The following ALDH1L2 variants were observed in gnomAD, a reference collection of about 807,000 sequenced individuals.
ALDH1L2 encodes the protein aldehyde dehydrogenase 1 family member L2, also known as mitochondrial 10-formyltetrahydrofolate dehydrogenase.
ALDH1L2 carries 91 observed loss-of-function variants against 111.0 expected under a neutral mutation model. The ratio of observed to expected loss-of-function variants is 0.82; its 90% confidence interval spans 0.69 to 0.98. The LOEUF (loss-of-function observed/expected upper bound fraction) is 0.98. ALDH1L2 is among the 50% of genes least tolerant of loss of function. ALDH1L2 has a pLI of 0.00. For missense variants in ALDH1L2, 995 were observed against 1,126.8 expected, an observed-to-expected ratio of 0.88 and a Z score of 1.67; for synonymous variants, 374 against 392.6, an observed-to-expected ratio of 0.95 and a Z score of 0.56.
intron 1 of ALDH1L2, chr12:105,074,239 C>T (rs1877900407): frequency 7.7e-6 from 3 of 388,472 alleles, no homozygotes; most frequent in Non-Finnish European, 1.4e-5. Flanking sequence ...GGGCGGATCA[C>T]CTGAGGTCAG....
intron 12 of ALDH1L2, among the ~76,000 whole-genome samples, chr12:105,051,307 G>A (rs546718851): frequency 3.3e-5 from 5 of 152,230 alleles, no homozygotes; most frequent in African/African-American, 9.6e-5. Context: ...GGAGGCACCC[G>A]CAGAATATTG....
rs1357524700 is a variant in ALDH1L2 at position 105,062,938 on chromosome 12, C to T, written c.871G>A (p.Gly291Ser). The change falls in exon 7 of 23, where the codon GGT becomes AGT. Residue 291 changes from glycine (G) to serine (S), a missense_variant. Gly to Ser is a moderately conservative substitution (Grantham distance 56). Transcript: ENST00000258494. The part of the protein sequence containing the change: ...PLEIKGAKKP[G>S]LVTKNGLVLF... ...ACAAGTCCATTTTTGGTAACGAGAC[C>T]AGGCTTCTTGGCACCTTTAATTTCC... 6.2e-7 allele frequency: 1 copy of T among 1,613,914 alleles called. No homozygotes were observed. Among genetic ancestry groups the T allele is most frequent in the Admixed American group, 1.7e-5 (1 of 59,978 alleles).
At chr12:105,081,828 T>C (rs1878348545) in intron 1 of ALDH1L2, among the ~76,000 whole-genome samples, 1 of 152,242 alleles carries the variant, frequency 6.6e-6, no homozygotes, top group African/African-American at 2.4e-5. Context: ...GAAAGCTTTA[T>C]TTTTATTCAT....
At chr12:105,046,183 CTCTCTCTCTCTATATA>C (rs1343081494) in intron 15 of ALDH1L2, among the ~76,000 whole-genome samples, 1 of 26,108 alleles carries the variant, frequency 3.8e-5, no homozygotes, top group African/African-American at 1.8e-4. Flanking sequence ...CTCTCTCTCT[CTCTCTCTCTCTATATA>C]TATATATATA....
intron 1 of ALDH1L2, 87 bp downstream of exon 1, chr12:105,084,302 C>G (rs1878484515): frequency 1.4e-6 from 2 of 1,416,134 alleles, no homozygotes; most frequent in Non-Finnish European, 1.9e-6. Flanking sequence ...CTGCTCATCC[C>G]CAGCCCCACC....
chr12:105,048,999 C>A (rs1171749002), intron 13 of ALDH1L2, among the ~76,000 whole-genome samples: 1 of 152,060 alleles, frequency 6.6e-6, no homozygotes, highest in Admixed American at 6.5e-5. Flanking sequence ...CACTGCACTC[C>A]AGCCTGGGCG....
chr12:105,077,164 C>T (rs984965075), intron 1 of ALDH1L2, among the ~76,000 whole-genome samples: 5 of 152,220 alleles, frequency 3.3e-5, no homozygotes, highest in African/African-American at 7.2e-5. Context: ...ATTCTTTAAC[C>T]GGCTCTCACT....
At chr12:105,036,548 A>G (rs1169306591) in intron 18 of ALDH1L2, among the ~76,000 whole-genome samples, 1 of 44,056 alleles carries the variant, frequency 2.3e-5, no homozygotes, top group South Asian at 6.4e-4. Flanking sequence ...ATATATATAT[A>G]TATATATATA....
At chr12:105,055,410 C>T (rs549316708) in intron 10 of ALDH1L2, among the ~76,000 whole-genome samples, 1 of 152,246 alleles carries the variant, frequency 6.6e-6, no homozygotes, top group Non-Finnish European at 1.5e-5. Flanking sequence ...CAACAAAAAG[C>T]AGCAGCAGCA....
chr12:105,074,180 G>A (rs1253056252), intron 1 of ALDH1L2, 175 bp from the exon 2 acceptor site: 3 of 750,772 alleles, frequency 4.0e-6, no homozygotes, highest in Non-Finnish European at 6.1e-6. Flanking sequence ...ACCCTTGGCC[G>A]GGCACGGTGG....
At position 105,024,422 on chromosome 12, in the gene ALDH1L2, C is replaced by T; in HGVS notation, c.*2G>A. 1.2e-6 allele frequency: 2 copies of T among 1,613,910 alleles called. No individual in the cohort carries two copies. Among genetic ancestry groups the T allele is most frequent in the Non-Finnish European group, 1.7e-6 (2 of 1,179,872 alleles). Reference sequence around the variant, plus strand: ...CAAGGCTTTCCTGATGATGGTGTTGCTCTAATATTCCAGTGTCACCGTCTT... The same window carrying T: ...CAAGGCTTTCCTGATGATGGTGTTGTTCTAATATTCCAGTGTCACCGTCTT... On this transcript the variant is annotated 3_prime_UTR_variant, in exon 23 of 23. Coordinates refer to ENST00000258494, the MANE Select transcript of ALDH1L2 (RefSeq NM_001034173.4).
chr12:105,024,855 T>C (rs11112316), intron 22 of ALDH1L2, among the ~76,000 whole-genome samples: 14,698 of 152,224 alleles, frequency 0.097, 798 homozygotes, highest in African/African-American at 0.14. Context: ...ATTTCCCTAC[T>C]TGATGACAGA....
At position 105,031,801 on chromosome 12, in the gene ALDH1L2, A is replaced by G. The variant is rs1592764133; in HGVS notation, c.2378T>C (p.Leu793Ser). ...CETGVKEGAT[L>S]VYGGRQVQRP... The stretch of plus-strand genomic sequence containing the variant: ...TTGGACTTGTCTTCCCCCGTACACC[A>G]AAGTGGCCCCTTCTTTCACTCCAGT... Residue 793 changes from leucine to serine, a missense_variant, in exon 20 of 23, where the codon TTG (leucine) becomes TCG (serine). Leu to Ser is a moderately radical substitution (Grantham distance 145, BLOSUM62 -2). Transcript: ENST00000258494. The G allele has an allele frequency of 6.2e-7, 1 of 1,614,180 alleles. No homozygotes were observed. The highest frequency in any genetic ancestry group is 2.2e-5 in the East Asian group (1 of 44,884).
intron 15 of ALDH1L2, among the ~76,000 whole-genome samples, chr12:105,045,125 C>G (rs995951245): frequency 4.6e-5 from 7 of 152,044 alleles, no homozygotes; most frequent in Non-Finnish European, 7.4e-5. Context: ...CTCTTGTTGC[C>G]CAGGCTGGAG....
At chr12:105,035,449 A>G (rs1874933250) in intron 18 of ALDH1L2, among the ~76,000 whole-genome samples, 1 of 151,414 alleles carries the variant, frequency 6.6e-6, no homozygotes, top group Non-Finnish European at 1.5e-5. Context: ...CAGTCTCCCT[A>G]GTAGCTGGGG....
intron 21 of ALDH1L2, among the ~76,000 whole-genome samples, chr12:105,029,669 C>T (rs969807153): frequency 6.6e-6 from 1 of 151,866 alleles, no homozygotes; most frequent in Non-Finnish European, 1.5e-5. Flanking sequence ...TATTAAAGAC[C>T]GAGAAAGTCT....
At chr12:105,078,790 G>T (rs966866996) in intron 1 of ALDH1L2, among the ~76,000 whole-genome samples, 14 of 152,204 alleles carry the variant, frequency 9.2e-5, no homozygotes, top group Non-Finnish European at 1.3e-4. Flanking sequence ...CCAGAAGGGA[G>T]TTACTTAGCT....
intron 20 of ALDH1L2, among the ~76,000 whole-genome samples, chr12:105,030,839 T>C (rs1191654717): frequency 6.6e-6 from 1 of 152,228 alleles, no homozygotes; most frequent in African/African-American, 2.4e-5. Context: ...TAAGTATTCT[T>C]TATTCAGAGT....
At chr12:105,069,746 G>T (rs1258603366) in intron 3 of ALDH1L2, among the ~76,000 whole-genome samples, 2 of 152,180 alleles carry the variant, frequency 1.3e-5, no homozygotes, top group Non-Finnish European at 2.9e-5. Context: ...AGGAAAATGT[G>T]CAGGTAAAGG....
Sources: gnomAD v4.1 joint callset for allele counts (sites outside exome capture counted in the v4.1 genomes callset) on GRCh38, gnomAD v4.1.1 for gene constraint, MANE v1.5 for transcripts, NCBI Gene and HGNC (gene_info 2026-07-23, HGNC 2026-07-21) for gene names.